The following BRCA2 variants were observed in gnomAD, a reference collection of about 807,000 sequenced individuals.
BRCA2 encodes the protein BRCA2 DNA repair associated, also known as breast cancer type 2 susceptibility protein.
A neutral mutation model predicts 276.7 loss-of-function variants in BRCA2; 203 were observed. The observed-to-expected ratio is 0.73, with a 90% CI of 0.65 to 0.82. BRCA2 has a LOEUF of 0.82. Among genes scored for constraint, BRCA2 ranks in the 40% least tolerant of loss-of-function variants. The probability of loss-of-function intolerance (pLI) is 0.00; values close to 1 mark genes in which losing one functional copy is unlikely to be tolerated. For missense variants in BRCA2, 3,920 were observed against 3,915.0 expected, an observed-to-expected ratio of 1.00 and a Z score of -0.03; for synonymous variants, 1,289 against 1,338.4, an observed-to-expected ratio of 0.96 and a Z score of 0.81.
intron 9 of BRCA2, among the ~76,000 whole-genome samples, chr13:32,331,656 C>G (rs748389800): frequency 6.0e-5 from 9 of 149,108 alleles, no homozygotes; most frequent in Admixed American, 2.7e-4. Context: ...GACACAAAAA[C>G]AAAGCCTATT....
intron 24 of BRCA2, among the ~76,000 whole-genome samples, chr13:32,389,561 T>C (rs1038251892): frequency 5.3e-5 from 8 of 152,234 alleles, no homozygotes; most frequent in Admixed American, 3.9e-4. Context: ...GAATTTGTAG[T>C]TGATAATTCT....
chr13:32,367,857 CTCTTA>C (rs2072795053), intron 18 of BRCA2, among the ~76,000 whole-genome samples: 1 of 151,904 alleles, frequency 6.6e-6, no homozygotes, highest in African/African-American at 2.4e-5. Context: ...TATCTTTCTT[CTCTTA>C]TATGATCTAT....
In BRCA2 at chr13:32,346,893, T is replaced by G; in HGVS notation, c.7004T>G (p.Phe2335Cys). 6.2e-7 allele frequency: 1 copy of G among 1,605,986 alleles called. No individual in the cohort carries two copies. The highest frequency in any genetic ancestry group is 8.5e-7 in the Non-Finnish European group (1 of 1,175,248). Residue 2335 changes from phenylalanine to cysteine, a missense_variant, in exon 13 of 27, where the codon TTT becomes TGT. This residue lies in a region of BRCA2 where 3,263 missense variants were observed against 3,156.9 expected (regional missense o/e 1.03). Transcript: ENST00000380152. ...TTAGAGCCGATTACCTGTGTACCCT[T>G]TCGGTAAGACATGTTTAAATTTTTC... ...VSLEPITCVPFRTTKERQEIQ... is the reference protein window; with the variant it reads ...VSLEPITCVPCRTTKERQEIQ...
Position 32,362,643 on chromosome 13 carries a change from T to C in BRCA2, c.7926T>C (p.Phe2642=). ...AAMECAFPKE[F]ANRCLSPERV... is the part of the protein sequence containing the mutation. ...TGGAATGTGCCTTTCCTAAGGAATT[T>C]GCTAATAGATGCCTAAGCCCAGAAA... Residue 2642 remains phenylalanine, a synonymous_variant, in exon 17 of 27, where the codon TTT becomes TTC. Coordinates refer to ENST00000380152, the MANE Select transcript of BRCA2 (RefSeq NM_000059.4). 6.2e-7 allele frequency: 1 copy of C among 1,614,230 alleles called. No individual in the cohort carries two copies. The highest frequency in any genetic ancestry group is 8.5e-7 in the Non-Finnish European group (1 of 1,180,032).
intron 12 of BRCA2, among the ~76,000 whole-genome samples, chr13:32,346,367 T>C (rs2072610794): frequency 6.6e-6 from 1 of 152,084 alleles, no homozygotes; most frequent in Non-Finnish European, 1.5e-5. Context: ...TCATTCTTTT[T>C]TGTGGTTACA....
At chr13:32,388,445 TG>T (rs2072976276) in intron 24 of BRCA2, among the ~76,000 whole-genome samples, 2 of 152,156 alleles carry the variant, frequency 1.3e-5, no homozygotes, top group Admixed American at 1.3e-4. Flanking sequence ...AACTTTATAA[TG>T]GTCTGAAAAC....
intron 18 of BRCA2, 49 bp from the exon 19 acceptor site, chr13:32,370,353 T>A (rs2137596044): frequency 6.5e-7 from 1 of 1,527,790 alleles, no homozygotes; most frequent in East Asian, 2.3e-5. Flanking sequence ...TGTAATAGAA[T>A]TGAATACATA....
Position 32,319,686 on chromosome 13 carries a change from A to G in BRCA2, c.316+361A>G, listed in dbSNP as rs74044997. Among the ~76,000 whole-genome samples, 896 of 152,320 alleles carry G rather than the reference A, an allele frequency of 5.9e-3. 9 individuals carry two copies. Among genetic ancestry groups the G allele is most frequent in the African/African-American group, 0.021 (866 of 41,564 alleles). On this transcript the variant is annotated intron_variant, in intron 3 of 26. Transcript: ENST00000380152. ...ACAGAGGACAGAGATTATTTTACCG[A>G]TATACTATAAGTATCATGATTTGGA...
At chr13:32,349,570 C>T (rs2137545840) in intron 13 of BRCA2, among the ~76,000 whole-genome samples, 1 of 152,072 alleles carries the variant, frequency 6.6e-6, no homozygotes, top group South Asian at 2.1e-4. Flanking sequence ...TACGGTGGCT[C>T]ACATGGAGGC....
chr13:32,397,644 A>G lies in BRCA2; in HGVS notation c.9649-518A>G, dbSNP rs565145662. On this transcript the variant is annotated intron_variant, in intron 26 of 26. Transcript: ENST00000380152. ...GACATTGCTCAAAGACCTGCTATAC[A>G]TTGTTTGACTTAAAGTCACAGTTTC... 2.0e-5 allele frequency among the ~76,000 whole-genome samples: 3 copies of G among 152,310 alleles called. No individual in the cohort carries two copies. The South Asian group carries it at 6.2e-4, about 32-fold the overall frequency.
In BRCA2 at chr13:32,338,570, TAAAG is replaced by T. The variant is rs80359435; in HGVS notation, c.4218_4221del (p.Lys1406AsnfsTer3). 6.3e-7 allele frequency: 1 copy of T among 1,595,596 alleles called. No homozygotes were observed. The highest frequency in any genetic ancestry group is 8.5e-7 in the Non-Finnish European group (1 of 1,171,736). On this transcript the variant is annotated frameshift_variant, in exon 11 of 27. Coordinates refer to ENST00000380152, the MANE Select transcript of BRCA2 (RefSeq NM_000059.4). LOFTEE classifies it high-confidence loss of function. ...AAGCATGTCATGGTAATACTTCAAA[TAAAG>T]AACAGTTAACTGCTACTAAAACGGA...
chr13:32,326,407 A>G, intron 6 of BRCA2, 92 bp from the exon 7 acceptor site: 1 of 1,437,656 alleles, frequency 7.0e-7, no homozygotes, highest in Non-Finnish European at 9.7e-7. Flanking sequence ...CAATTCAGTA[A>G]ACGTTAAGTG....
intron 3 of BRCA2, among the ~76,000 whole-genome samples, chr13:32,323,593 G>T (rs755321621): frequency 6.6e-6 from 1 of 152,284 alleles, no homozygotes; most frequent in East Asian, 1.9e-4. Context: ...CTTTATTAGT[G>T]ATTATGTCTA....
chr13:32,354,666 T>C (rs1293790174), intron 13 of BRCA2, among the ~76,000 whole-genome samples, 195 bp from the exon 14 acceptor site: 2 of 152,154 alleles, frequency 1.3e-5, no homozygotes, highest in Non-Finnish European at 2.9e-5. Flanking sequence ...TTATGTGTTA[T>C]GTGAGGTAGA....
rs81002819 is a variant in BRCA2, at chr13:32,357,935, C to G, written c.7805+6C>G. The G allele has an allele frequency of 4.9e-4, 787 of 1,611,996 alleles. 3 individuals are homozygous for G. The African/African-American group carries it at 9.5e-3, about 19-fold the overall frequency. On this transcript the variant is annotated splice_donor_region_variant and intron_variant, in intron 16 of 26. Transcript: ENST00000380152. ...GGAAAAGAAGAATTTTATAGGTACTCTATGCAAAAAGATTGTGTGTTAACT... is the reference window on the plus strand; with the variant it reads ...GGAAAAGAAGAATTTTATAGGTACTGTATGCAAAAAGATTGTGTGTTAACT...
chr13:32,347,610 GCACAATTGAGGGAAAGATACTAAAATGA>G (rs2137543042), intron 13 of BRCA2, among the ~76,000 whole-genome samples: 1 of 152,294 alleles, frequency 6.6e-6, no homozygotes, highest in Non-Finnish European at 1.5e-5. Context: ...GGGACACCAG[GCACAATTGAGGGAAAGATACTAAAATGA>G]AAGATCAGAT....
intron 21 of BRCA2, among the ~76,000 whole-genome samples, chr13:32,378,374 C>T (rs2072887921): frequency 6.6e-6 from 1 of 152,252 alleles, no homozygotes; most frequent in East Asian, 1.9e-4. Flanking sequence ...TTAAAGTTAT[C>T]TTTGTAATTC....
At chr13:32,333,430 T>C in intron 10 of BRCA2, 43 bp downstream of exon 10, 1 of 1,572,540 alleles carries the variant, frequency 6.4e-7, no homozygotes, top group Non-Finnish European at 8.7e-7. Flanking sequence ...CATATAGTTT[T>C]ATAGATGACG....
At chr13:32,352,045 C>T (rs551176964) in intron 13 of BRCA2, among the ~76,000 whole-genome samples, 4 of 152,256 alleles carry the variant, frequency 2.6e-5, no homozygotes, top group African/African-American at 9.6e-5. Flanking sequence ...TCGTGATCCG[C>T]CCACCTTGGC....
Sources: gnomAD v4.1 joint callset for allele counts (sites outside exome capture counted in the v4.1 genomes callset) on GRCh38, gnomAD v4.1.1 for gene constraint, gnomAD v4.1.1 regional missense constraint, MANE v1.5 for transcripts, NCBI Gene and HGNC (gene_info 2026-07-23, HGNC 2026-07-21) for gene names.